The following ZNF536 variants were observed in gnomAD, a reference collection of about 807,000 sequenced individuals.
ZNF536 encodes zinc finger protein 536.
Under a neutral mutation model 84.5 loss-of-function variants are expected in ZNF536, and 13 were observed. That is an observed-to-expected ratio of 0.15 (90% CI 0.10 to 0.24). The LOEUF is 0.24. Ranked by LOEUF, ZNF536 falls within the 10% of genes least tolerant of loss-of-function variation. The probability of loss-of-function intolerance (pLI) is 1.00; values close to 1 mark genes in which losing one functional copy is unlikely to be tolerated. For missense variants in ZNF536, 1,536 were observed against 1,747.5 expected, an observed-to-expected ratio of 0.88 and a Z score of 2.16; for synonymous variants, 811 against 742.5, an observed-to-expected ratio of 1.09 and a Z score of -1.50.
intron 1 of ZNF536, among the ~76,000 whole-genome samples, chr19:30,653,424 T>A (rs980206801): frequency 1.3e-5 from 2 of 152,100 alleles, no homozygotes; most frequent in African/African-American, 4.8e-5. Flanking sequence ...ACTTGAAGAG[T>A]GGCCTGATGG....
intron 1 of ZNF536, among the ~76,000 whole-genome samples, chr19:30,234,397 C>CTTTTTT (rs5827694): frequency 1.6e-4 from 13 of 82,402 alleles, no homozygotes; most frequent in East Asian, 3.9e-4. Context: ...AGGCTCCTTC[C>CTTTTTT]TTTTTTTTTT....
chr19:30,393,238 G>T (rs571504392), intron 1 of ZNF536, among the ~76,000 whole-genome samples: 1 of 152,232 alleles, frequency 6.6e-6, no homozygotes, highest in African/African-American at 2.4e-5. Flanking sequence ...GGTTGGGGGC[G>T]GGGGAGAGGA....
chr19:30,312,043 G>C (rs1325024245), intron 2 of ZNF536, among the ~76,000 whole-genome samples: 1 of 152,320 alleles, frequency 6.6e-6, no homozygotes. Context: ...ACTTTGGCCA[G>C]GGTGACAGAG....
At chr19:30,343,138 G>GTACCAAGGGTA (rs1306050333) in intron 2 of ZNF536, among the ~76,000 whole-genome samples, 2 of 152,166 alleles carry the variant, frequency 1.3e-5, no homozygotes, top group African/African-American at 4.8e-5. Context: ...CATCCTCCAA[G>GTACCAAGGGTA]CTTGCCTGGG....
At chr19:30,449,234 G>A (rs1194142951) in intron 2 of ZNF536, among the ~76,000 whole-genome samples, 1 of 152,208 alleles carries the variant, frequency 6.6e-6, no homozygotes, top group Non-Finnish European at 1.5e-5. Flanking sequence ...GTCATTCAAT[G>A]TAGCCTCCGT....
At position 30,445,060 on chromosome 19, in the gene ZNF536, T is replaced by A. The variant is rs2052254578; in HGVS notation, c.1498T>A (p.Ser500Thr). ...GCLNLVPPLK[S>T]SCIERLQAAA... ...CCTCAATCTCGTGCCGCCGCTGAAATCCAGCTGCATCGAGCGGCTGCAGGC... is the reference window on the plus strand; with the variant it reads ...CCTCAATCTCGTGCCGCCGCTGAAAACCAGCTGCATCGAGCGGCTGCAGGC... The change falls in exon 2 of 5, where the codon TCC becomes ACC. Residue 500 changes from serine (S) to threonine (T), a missense_variant. Ser to Thr is a moderately conservative substitution (Grantham distance 58). Coordinates refer to ENST00000355537, the MANE Select transcript of ZNF536 (RefSeq NM_014717.3). This position sits in a 1 kb window ranked among gnomAD's most constrained non-coding sequence, Gnocchi z 4.5. 6 of 1,613,558 alleles carry A rather than the reference T, an allele frequency of 3.7e-6. No individual in the cohort carries two copies. Among genetic ancestry groups the A allele is most frequent in the African/African-American group, 2.7e-5 (2 of 75,018 alleles).
chr19:30,571,808 A>G (rs911657632), intron 1 of ZNF536, among the ~76,000 whole-genome samples: 4 of 152,130 alleles, frequency 2.6e-5, no homozygotes, highest in Non-Finnish European at 5.9e-5. Context: ...TGAGGCCTAC[A>G]TTGGGCCCTC....
chr19:30,555,489 G>A (rs1295944946), intron 4 of ZNF536: 1 of 152,204 alleles, frequency 6.6e-6, no homozygotes, highest in East Asian at 1.9e-4. Flanking sequence ...TTGCTTTGAA[G>A]ATGATTCTGG....
At chr19:30,674,383 G>T (rs1269956477) in intron 1 of ZNF536, among the ~76,000 whole-genome samples, 1 of 152,222 alleles carries the variant, frequency 6.6e-6, no homozygotes, top group Non-Finnish European at 1.5e-5. Context: ...GTTCCTGCCA[G>T]GTAAAAGACT....
rs771868124 is a variant in ZNF536 at position 30,355,213 on chromosome 19, G to A, written c.-3+2729G>A. Among the ~76,000 whole-genome samples, 11 of 152,172 alleles carry A rather than the reference G, an allele frequency of 7.2e-5. No individual in the cohort carries two copies. In the Middle Eastern group the frequency reaches 0.01, roughly 141 times the overall value. ...ATGGAGCTTTTACTCACGGTGGAAG[G>A]TGAAGGAGAAGCAGGAGCATCACAG... On this transcript the variant is annotated intron_variant, in intron 3 of 5. Coordinates refer to the ZNF536 transcript ENST00000585628.
chr19:30,281,495 G>A (rs139660106), intron 1 of ZNF536, among the ~76,000 whole-genome samples: 192 of 142,338 alleles, frequency 1.3e-3, no homozygotes, highest in Middle Eastern at 7.1e-3. Context: ...CTGGCAACCG[G>A]GACCTTCACA....
At chr19:30,664,233 TC>T (rs2050232519) in intron 1 of ZNF536, among the ~76,000 whole-genome samples, 3 of 142,622 alleles carry the variant, frequency 2.1e-5, no homozygotes, top group Non-Finnish European at 3.2e-5. Context: ...TCTCTCTCTC[TC>T]TCTCTCTCTC....
intron 1 of ZNF536, among the ~76,000 whole-genome samples, chr19:30,398,591 C>A (rs982911047): frequency 1.3e-5 from 2 of 152,068 alleles, no homozygotes; most frequent in African/African-American, 2.4e-5. Flanking sequence ...TCCCTGTGTC[C>A]ATGTGTTCTC....
intron 1 of ZNF536, among the ~76,000 whole-genome samples, chr19:30,709,791 A>T (rs893921357): frequency 6.6e-6 from 1 of 151,820 alleles, no homozygotes; most frequent in Non-Finnish European, 1.5e-5. Flanking sequence ...TAATTTTTAA[A>T]TTTTTTTTGT....
chr19:30,307,584 G>T (rs144745288), intron 2 of ZNF536, among the ~76,000 whole-genome samples: 4 of 151,778 alleles, frequency 2.6e-5, no homozygotes, highest in Non-Finnish European at 5.9e-5. Context: ...CACCCTAACC[G>T]TTCATTCTGC....
Position 30,400,137 on chromosome 19 carries a change from T to A in ZNF536, c.-3+27581T>A, listed in dbSNP as rs573047748. On this transcript the variant is annotated intron_variant, in intron 1 of 4. Transcript: ENST00000355537. ...TTTCACTATTCTCCTATTGTAGGAC[T>A]TTTTTTTTTTTCCAGAATTTGGCTG... 3.3e-4 allele frequency among the ~76,000 whole-genome samples: 44 copies of A among 134,300 alleles called. No individual in the cohort carries two copies. In the East Asian group the frequency reaches 8.1e-3, roughly 25 times the overall value. 88.1% of individuals were successfully genotyped at this position (134,300 alleles called of 152,430 possible).
intron 2 of ZNF536, among the ~76,000 whole-genome samples, chr19:30,290,052 G>T (rs1034258538): frequency 6.6e-6 from 1 of 151,988 alleles, no homozygotes; most frequent in African/African-American, 2.4e-5. Context: ...CCAGGTCGTG[G>T]CATCCACTAT....
chr19:30,226,852 C>T (rs1003250663), upstream of ZNF536, among the ~76,000 whole-genome samples: 2 of 151,868 alleles, frequency 1.3e-5, no homozygotes, highest in African/African-American at 2.4e-5. This position sits in a 1 kb window ranked among gnomAD's most constrained non-coding sequence, Gnocchi z 4.6. Flanking sequence ...GCCTCCCGTC[C>T]CCCCAGCGCA....
chr19:30,265,603 C>T (rs1018614895), intron 1 of ZNF536, among the ~76,000 whole-genome samples: 1 of 152,180 alleles, frequency 6.6e-6, no homozygotes, highest in Non-Finnish European at 1.5e-5. Context: ...GGCTGAATTG[C>T]CTGTGGTCCC....
Sources: gnomAD v4.1 joint callset for allele counts (sites outside exome capture counted in the v4.1 genomes callset) on GRCh38, gnomAD v4.1.1 for gene constraint, Gnocchi (gnomAD v3.1) non-coding constraint, MANE v1.5 for transcripts, NCBI Gene and HGNC (gene_info 2026-07-23, HGNC 2026-07-21) for gene names.